PGCKA1: variants seen among roughly 807,000 people sequenced by gnomAD.
The protein encoded by PGCKA1 is PDCD10 and GCKIII kinases associated 1, also known as PDCD10 and GCKIII kinases-associated protein 1.
chr4:37,509,592 T>G, the PGCKA1 span, among the ~76,000 whole-genome samples: 1 of 151,844 alleles, frequency 6.6e-6, no homozygotes, highest in Non-Finnish European at 1.5e-5. Flanking sequence ...ATCTCGGCAC[T>G]TTGGGAGGCC....
At chr4:37,584,968 C>G in the PGCKA1 span, among the ~76,000 whole-genome samples, 3 of 148,050 alleles carry the variant, frequency 2.0e-5, no homozygotes, top group Non-Finnish European at 4.4e-5. Context: ...CCTTGTTTCT[C>G]AAACAGTTCT....
chr4:37,530,709 G>GC, the PGCKA1 span, among the ~76,000 whole-genome samples: 1 of 152,040 alleles, frequency 6.6e-6, no homozygotes. Flanking sequence ...AGATACGGTG[G>GC]CTCACGCCTG....
chr4:37,467,217 G>A, the PGCKA1 span, among the ~76,000 whole-genome samples: 1 of 152,172 alleles, frequency 6.6e-6, no homozygotes, highest in Non-Finnish European at 1.5e-5. Context: ...TTAAAAACTT[G>A]TTGAAGAAAA....
the PGCKA1 span, among the ~76,000 whole-genome samples, chr4:37,533,095 C>T: frequency 2.4e-5 from 3 of 125,154 alleles, no homozygotes; most frequent in South Asian, 8.6e-4. Flanking sequence ...CACCCAATAG[C>T]TTATGGAAAA....
At chr4:37,453,975 C>G in the PGCKA1 span, 2 of 157,158 alleles carry the variant, frequency 1.3e-5, no homozygotes, top group Non-Finnish European at 2.8e-5. Context: ...CGCGGCTGCC[C>G]GAGGCCGGCG....
chr4:37,499,405 C>A, the PGCKA1 span, among the ~76,000 whole-genome samples: 1 of 152,150 alleles, frequency 6.6e-6, no homozygotes, highest in Non-Finnish European at 1.5e-5. Flanking sequence ...CTTTGTACAT[C>A]TCATAAAATT....
chr4:37,577,864 C>A, the PGCKA1 span, among the ~76,000 whole-genome samples: 1 of 152,072 alleles, frequency 6.6e-6, no homozygotes, highest in African/African-American at 2.4e-5. Context: ...TTCCAAAATT[C>A]CTCTTGGTAT....
At chr4:37,523,771 T>G in the PGCKA1 span, among the ~76,000 whole-genome samples, 1 of 152,186 alleles carries the variant, frequency 6.6e-6, no homozygotes, top group South Asian at 2.1e-4. Context: ...TTCTCACAGT[T>G]CTGGAGGCTG....
the PGCKA1 span, among the ~76,000 whole-genome samples, chr4:37,576,479 G>A: frequency 2.0e-5 from 3 of 152,076 alleles, no homozygotes; most frequent in South Asian, 4.1e-4. Context: ...TAGTTCTTTG[G>A]TGGAGTCTTT....
the PGCKA1 span, among the ~76,000 whole-genome samples, chr4:37,464,202 ACTT>A: frequency 6.6e-6 from 1 of 152,100 alleles, no homozygotes; most frequent in African/African-American, 2.4e-5. Context: ...GTTCCACTGT[ACTT>A]CTTGTGTAAG....
the PGCKA1 span, among the ~76,000 whole-genome samples, chr4:37,550,588 T>C: frequency 2.6e-5 from 4 of 152,148 alleles, no homozygotes; most frequent in Admixed American, 2.6e-4. Context: ...TCATTGAGCA[T>C]TGATGGAAAA....
At chr4:37,553,468 G>A in the PGCKA1 span, among the ~76,000 whole-genome samples, 5 of 152,142 alleles carry the variant, frequency 3.3e-5, no homozygotes, top group Non-Finnish European at 7.3e-5. Context: ...ATAGGGTATT[G>A]TTTGTAAAAT....
the PGCKA1 span, chr4:37,591,549 G>A: frequency 2.6e-5 from 4 of 152,426 alleles, no homozygotes; most frequent in African/African-American, 9.7e-5. Context: ...TTGTTCAACA[G>A]CGGGTTAAGC....
the PGCKA1 span, among the ~76,000 whole-genome samples, chr4:37,457,175 A>T: frequency 6.6e-6 from 1 of 152,234 alleles, no homozygotes; most frequent in African/African-American, 2.4e-5. Context: ...TCTGAAGGCA[A>T]AGCTGAAGTA....
At chr4:37,465,323 G>T in the PGCKA1 span, among the ~76,000 whole-genome samples, 2 of 152,036 alleles carry the variant, frequency 1.3e-5, no homozygotes, top group African/African-American at 4.8e-5. Context: ...GTGCCAGGTG[G>T]TGAGGATACA....
the PGCKA1 span, among the ~76,000 whole-genome samples, chr4:37,578,017 T>C: frequency 3.3e-5 from 5 of 152,214 alleles, no homozygotes; most frequent in Non-Finnish European, 7.3e-5. Flanking sequence ...AGAATGTACA[T>C]TCTACAGCAG....
the PGCKA1 span, chr4:37,588,867 G>C: frequency 6.2e-7 from 1 of 1,613,120 alleles, no homozygotes; most frequent in South Asian, 1.1e-5. Flanking sequence ...AAACAATCCA[G>C]ATGGGGTGCA....
chr4:37,568,178 C>G, the PGCKA1 span, among the ~76,000 whole-genome samples: 5 of 152,344 alleles, frequency 3.3e-5, no homozygotes, highest in South Asian at 8.3e-4. Flanking sequence ...GCTAGAGAGG[C>G]AGCCCTTCTA....
the PGCKA1 span, among the ~76,000 whole-genome samples, chr4:37,545,966 A>C: frequency 1.3e-5 from 2 of 152,222 alleles, no homozygotes; most frequent in Non-Finnish European, 2.9e-5. Flanking sequence ...TTGAAGAAAT[A>C]AAGATAATGA....
Sources: gnomAD v4.1 joint callset for allele counts (sites outside exome capture counted in the v4.1 genomes callset) on GRCh38, gnomAD v4.1.1 for gene constraint, MANE v1.5 for transcripts, NCBI Gene and HGNC (gene_info 2026-07-23, HGNC 2026-07-21) for gene names.